PLCE1: variants seen among roughly 807,000 people sequenced by gnomAD.
PLCE1 encodes the protein phospholipase C epsilon 1.
A neutral mutation model predicts 242.8 loss-of-function variants in PLCE1; 119 were observed. That is an observed-to-expected ratio of 0.49 (90% CI 0.42 to 0.57). The LOEUF is 0.57. PLCE1 is among the 20% of genes least tolerant of loss of function. The pLI, the probability that PLCE1 is intolerant of heterozygous loss-of-function variation, is 0.00. For missense variants in PLCE1, 2,441 were observed against 2,788.8 expected, an observed-to-expected ratio of 0.88 and a Z score of 2.81; for synonymous variants, 945 against 1,017.4, an observed-to-expected ratio of 0.93 and a Z score of 1.35.
chr10:94,014,572 A>G (rs1380593562), intron 1 of PLCE1, among the ~76,000 whole-genome samples: 1 of 152,168 alleles, frequency 6.6e-6, no homozygotes, highest in African/African-American at 2.4e-5. Flanking sequence ...TTGTTTTGCA[A>G]TTGTTACCAT....
At chr10:94,286,467 C>T (rs1570798) in intron 22 of PLCE1, among the ~76,000 whole-genome samples, 2 of 151,942 alleles carry the variant, frequency 1.3e-5, no homozygotes, top group Non-Finnish European at 2.9e-5. Context: ...GACCTCATCT[C>T]TAAAAAATAA....
intron 24 of PLCE1, among the ~76,000 whole-genome samples, chr10:94,299,305 T>C (rs1230449516): frequency 6.6e-6 from 1 of 152,214 alleles, no homozygotes; most frequent in African/African-American, 2.4e-5. Context: ...GCTGAATTTT[T>C]GACCCCCTAT....
rs745537204 is a variant in PLCE1, at chr10:94,308,564, A to G, written c.5885-17A>G. ...AGCCATGGTTAACAAGCTTTTCCCA[A>G]TTCTGTATTACTCCAGGATATCGAC... On this transcript the variant is annotated splice_polypyrimidine_tract_variant and intron_variant, in intron 26 of 32. Coordinates refer to ENST00000371380, the MANE Select transcript of PLCE1 (RefSeq NM_016341.4). 4 of 1,531,846 alleles carry G rather than the reference A, an allele frequency of 2.6e-6. No homozygotes were observed. In the African/African-American group the frequency reaches 4.1e-5, roughly 16 times the overall value. 94.9% of individuals were successfully genotyped at this position (1,531,846 alleles called of 1,614,324 possible). A position where few individuals can be genotyped will look rare whatever the true frequency, so the allele number is the denominator to read the frequency against.
At chr10:94,209,045 C>T (rs555041169) in intron 4 of PLCE1, among the ~76,000 whole-genome samples, 2 of 152,310 alleles carry the variant, frequency 1.3e-5, no homozygotes, top group Non-Finnish European at 2.9e-5. Context: ...ATTGTTTGTA[C>T]AAACATCATA....
intron 2 of PLCE1, among the ~76,000 whole-genome samples, chr10:94,099,351 A>G (rs747771652): frequency 1.3e-4 from 20 of 152,202 alleles, no homozygotes; most frequent in South Asian, 2.1e-4. Context: ...TCCTGTGCTC[A>G]GTACTTCATA....
intron 2 of PLCE1, among the ~76,000 whole-genome samples, chr10:94,121,616 T>C (rs531246054): frequency 6.6e-6 from 1 of 152,298 alleles, no homozygotes; most frequent in Admixed American, 6.5e-5. Flanking sequence ...ACAACTCTGT[T>C]ATATCTCCAT....
chr10:94,278,601 A>G (rs989231850), intron 19 of PLCE1, among the ~76,000 whole-genome samples: 6 of 152,250 alleles, frequency 3.9e-5, no homozygotes, highest in Admixed American at 6.5e-5. Context: ...CTTTGTAACC[A>G]TTTCATTTTA....
At chr10:94,014,171 G>A (rs1252982737) in intron 1 of PLCE1, among the ~76,000 whole-genome samples, 2 of 152,152 alleles carry the variant, frequency 1.3e-5, no homozygotes. Flanking sequence ...GGTCCCTTAG[G>A]ATTAAACTTC....
At chr10:94,216,687 C>A (rs1589364889) in intron 4 of PLCE1, among the ~76,000 whole-genome samples, 1 of 152,130 alleles carries the variant, frequency 6.6e-6, no homozygotes, top group African/African-American at 2.4e-5. Context: ...CCCTGTCCTA[C>A]TCTGCATGTC....
chr10:94,070,716 C>T (rs569660623), intron 2 of PLCE1, among the ~76,000 whole-genome samples: 2 of 152,318 alleles, frequency 1.3e-5, no homozygotes, highest in South Asian at 4.1e-4. Flanking sequence ...TCCTGCTATT[C>T]ACTTTAATTG....
chr10:94,142,855 C>A (rs946907101), intron 3 of PLCE1, among the ~76,000 whole-genome samples: 1 of 152,168 alleles, frequency 6.6e-6, no homozygotes, highest in African/African-American at 2.4e-5. Flanking sequence ...ACTCCTTTAG[C>A]GAGATTTTCC....
chr10:94,140,706 C>T (rs949465840), intron 3 of PLCE1, among the ~76,000 whole-genome samples: 12 of 152,184 alleles, frequency 7.9e-5, no homozygotes, highest in Admixed American at 7.9e-4. Flanking sequence ...TTTGTAAAGG[C>T]TGGCTTAGTT....
At chr10:94,102,188 C>T (rs74151037) in intron 2 of PLCE1, among the ~76,000 whole-genome samples, 24 of 152,312 alleles carry the variant, frequency 1.6e-4, no homozygotes, top group African/African-American at 5.3e-4. Context: ...TATTCACAGA[C>T]CTCACAACAA....
chr10:94,048,899 G>A (rs2043682833), intron 2 of PLCE1, among the ~76,000 whole-genome samples: 1 of 151,176 alleles, frequency 6.6e-6, no homozygotes, highest in African/African-American at 2.4e-5. Context: ...CTCCCGAGTA[G>A]CTGGGACTAC....
At chr10:94,055,425 C>T (rs879473756) in intron 2 of PLCE1, among the ~76,000 whole-genome samples, 1 of 151,916 alleles carries the variant, frequency 6.6e-6, no homozygotes, top group Admixed American at 6.6e-5. Context: ...AAGTGATTCT[C>T]CTGCCTCTGC....
At chr10:94,023,342 G>C (rs1476281582) in intron 1 of PLCE1, among the ~76,000 whole-genome samples, 1 of 152,180 alleles carries the variant, frequency 6.6e-6, no homozygotes, top group Non-Finnish European at 1.5e-5. Context: ...GGTGGGTCTA[G>C]TGCCATCTAA....
At chr10:94,106,000 T>C (rs2045718916) in intron 2 of PLCE1, 1 of 152,206 alleles carries the variant, frequency 6.6e-6, no homozygotes, top group Non-Finnish European at 1.5e-5. Flanking sequence ...AATAAGGCAA[T>C]TGAGCCACAA....
At chr10:94,162,051 G>A (rs1207285007) in intron 3 of PLCE1, among the ~76,000 whole-genome samples, 43 of 152,066 alleles carry the variant, frequency 2.8e-4, no homozygotes, top group Non-Finnish European at 2.4e-4. Flanking sequence ...TGCTGGATTC[G>A]GTTTGCCAGT....
intron 27 of PLCE1, 40 bp from the exon 28 acceptor site, chr10:94,313,214 G>A: frequency 6.2e-7 from 1 of 1,611,780 alleles, no homozygotes; most frequent in Non-Finnish European, 8.5e-7. Flanking sequence ...AGAAATATGT[G>A]ATTACGGATG....
Sources: allele counts gnomAD v4.1 joint callset (sites outside exome capture counted in the v4.1 genomes callset), GRCh38; gene constraint gnomAD v4.1.1; transcripts MANE v1.5; gene names NCBI Gene and HGNC (gene_info 2026-07-23, HGNC 2026-07-21).